TAX1BP1: variants seen among roughly 807,000 people sequenced by gnomAD.
TAX1BP1 encodes the protein Tax1 binding protein 1.
TAX1BP1 carries 62 observed loss-of-function variants against 97.7 expected under a neutral mutation model. That is an observed-to-expected ratio of 0.63 (90% CI 0.52 to 0.78). TAX1BP1 has a LOEUF of 0.78. Among genes scored for constraint, TAX1BP1 ranks in the 30% least tolerant of loss-of-function variants. The pLI, the probability that TAX1BP1 is intolerant of heterozygous loss-of-function variation, is 0.00. For synonymous variants in TAX1BP1, 340 were observed against 304.2 expected, an observed-to-expected ratio of 1.12 and a Z score of -1.23; for missense variants, 867 against 916.1, an observed-to-expected ratio of 0.95 and a Z score of 0.69.
At chr7:27,820,336 G>A (rs538323145) in intron 15 of TAX1BP1, among the ~76,000 whole-genome samples, 1 of 152,212 alleles carries the variant, frequency 6.6e-6, no homozygotes, top group African/African-American at 2.4e-5. Flanking sequence ...TTTGTTGATA[G>A]ACAATTTTTT....
rs73295584 is a variant in TAX1BP1, at chr7:27,786,961, T to C, written c.853-457T>C. Among the ~76,000 whole-genome samples the C allele has an allele frequency of 4.0e-3, 602 of 152,320 alleles. 6 individuals are homozygous for C. Among genetic ancestry groups the C allele is most frequent in the African/African-American group, 0.014 (588 of 41,578 alleles). On this transcript the variant is annotated intron_variant, in intron 7 of 16. Coordinates refer to ENST00000396319, the MANE Select transcript of TAX1BP1 (RefSeq NM_006024.7). ...TCAACAAATACATTTTTCAGCACAT[T>C]GAAACTAAATGATATCGTACTTTTC...
intron 12 of TAX1BP1, among the ~76,000 whole-genome samples, chr7:27,798,204 A>G (rs1790006043): frequency 6.6e-6 from 1 of 151,974 alleles, no homozygotes; most frequent in Admixed American, 6.6e-5. Context: ...TTGTTTATCC[A>G]TTCACCACTT....
chr7:27,743,638 C>T (rs1248116570), intron 1 of TAX1BP1, among the ~76,000 whole-genome samples: 2 of 152,200 alleles, frequency 1.3e-5, no homozygotes, highest in Non-Finnish European at 2.9e-5. Context: ...GGAGAATGAA[C>T]AGTAAAATGA....
chr7:27,777,172 CCT>C (rs1331784911), intron 5 of TAX1BP1, among the ~76,000 whole-genome samples: 1 of 152,070 alleles, frequency 6.6e-6, no homozygotes, highest in Non-Finnish European at 1.5e-5. Context: ...TATTTTTCTG[CCT>C]CTCTGCATGC....
intron 5 of TAX1BP1, among the ~76,000 whole-genome samples, chr7:27,777,497 C>T (rs1789075975): frequency 6.6e-6 from 1 of 152,118 alleles, no homozygotes; most frequent in Non-Finnish European, 1.5e-5. Flanking sequence ...ATTCCTGGCC[C>T]TTTTTGAGTT....
intron 13 of TAX1BP1, among the ~76,000 whole-genome samples, chr7:27,809,490 T>C (rs1348889363): frequency 6.6e-6 from 1 of 152,238 alleles, no homozygotes; most frequent in African/African-American, 2.4e-5. Context: ...CTTGAGGGGC[T>C]TTGTGAATGC....
At chr7:27,786,142 T>C (rs1723874230) in intron 7 of TAX1BP1, among the ~76,000 whole-genome samples, 1 of 151,600 alleles carries the variant, frequency 6.6e-6, no homozygotes, top group East Asian at 1.9e-4. Flanking sequence ...ATTTTTTTTT[T>C]TTTTTTTGAG....
intron 1 of TAX1BP1, among the ~76,000 whole-genome samples, chr7:27,746,649 G>C (rs1457467282): frequency 6.6e-6 from 1 of 152,120 alleles, no homozygotes; most frequent in Admixed American, 6.6e-5. Context: ...GTCTTTCCAT[G>C]AAATATGGTT....
chr7:27,823,743 C>G (rs1791067813), intron 15 of TAX1BP1, among the ~76,000 whole-genome samples: 1 of 152,178 alleles, frequency 6.6e-6, no homozygotes, highest in South Asian at 2.1e-4. Context: ...TCTTGTAAAA[C>G]TGAACTCCTT....
At chr7:27,783,962 T>C (rs995116952) in intron 5 of TAX1BP1, among the ~76,000 whole-genome samples, 1 of 152,198 alleles carries the variant, frequency 6.6e-6, no homozygotes, top group African/African-American at 2.4e-5. Flanking sequence ...TGGTTAGTGT[T>C]ACAAATTCAG....
upstream of TAX1BP1, chr7:27,739,479 A>T (rs148614766): frequency 2.3e-4 from 35 of 152,358 alleles, no homozygotes; most frequent in African/African-American, 8.2e-4. Flanking sequence ...ACAACAAGCA[A>T]AAGTGATTTT....
intron 15 of TAX1BP1, among the ~76,000 whole-genome samples, chr7:27,817,314 T>A (rs1790811625): frequency 6.6e-6 from 1 of 152,260 alleles, no homozygotes; most frequent in African/African-American, 2.4e-5. Context: ...CTCAGAATAT[T>A]GTAGTTATCA....
intron 5 of TAX1BP1, among the ~76,000 whole-genome samples, chr7:27,784,788 TC>T (rs1276477653): frequency 6.6e-6 from 1 of 151,674 alleles, no homozygotes; most frequent in Non-Finnish European, 1.5e-5. Flanking sequence ...CCCAGGAGTT[TC>T]AGCCTGGGTG....
chr7:27,765,742 G>C, intron 3 of TAX1BP1, 92 bp from the exon 4 acceptor site: 1 of 1,092,622 alleles, frequency 9.2e-7, no homozygotes, highest in South Asian at 1.5e-5. Context: ...AGAACAGTGT[G>C]GGGAATGAGA....
intron 13 of TAX1BP1, among the ~76,000 whole-genome samples, chr7:27,808,143 G>GT (rs1436371484): frequency 6.6e-6 from 1 of 152,166 alleles, no homozygotes; most frequent in Non-Finnish European, 1.5e-5. Flanking sequence ...GATCTGGGCT[G>GT]TAGGTGTACC....
chr7:27,765,466 A>G (rs113968406), intron 3 of TAX1BP1, among the ~76,000 whole-genome samples: 5 of 152,164 alleles, frequency 3.3e-5, no homozygotes, highest in Non-Finnish European at 7.3e-5. Flanking sequence ...TCTAAATGAC[A>G]TATTCCCACC....
intron 13 of TAX1BP1, among the ~76,000 whole-genome samples, chr7:27,804,990 A>C (rs760167711): frequency 1.3e-5 from 2 of 152,180 alleles, no homozygotes; most frequent in Non-Finnish European, 1.5e-5. Context: ...GATTCTATGC[A>C]CATGTAGTTT....
intron 4 of TAX1BP1, among the ~76,000 whole-genome samples, chr7:27,767,306 GA>G (rs1252046882): frequency 3.9e-5 from 6 of 151,922 alleles, no homozygotes; most frequent in African/African-American, 1.5e-4. Context: ...TAGTTGGATA[GA>G]TTTTTTTAAC....
chr7:27,803,539 T>G (rs1433547125), intron 13 of TAX1BP1, among the ~76,000 whole-genome samples: 1 of 152,204 alleles, frequency 6.6e-6, no homozygotes, highest in Admixed American at 6.5e-5. Context: ...TACTACAACA[T>G]TATTTGATTT....
Sources: gnomAD v4.1 joint callset for allele counts (sites outside exome capture counted in the v4.1 genomes callset) on GRCh38, gnomAD v4.1.1 for gene constraint, MANE v1.5 for transcripts, NCBI Gene and HGNC (gene_info 2026-07-23, HGNC 2026-07-21) for gene names.